The following SPAG1 variants were observed in gnomAD, a reference collection of about 807,000 sequenced individuals.
The protein encoded by SPAG1 is sperm-associated antigen 1.
A neutral mutation model predicts 100.5 loss-of-function variants in SPAG1; 69 were observed. The ratio of observed to expected loss-of-function variants is 0.69; its 90% CI spans 0.57 to 0.84. The LOEUF (loss-of-function observed/expected upper bound fraction) is 0.84. Ranked by LOEUF, SPAG1 falls within the 40% of genes least tolerant of loss-of-function variation. The pLI, the probability that SPAG1 is intolerant of heterozygous loss-of-function variation, is 0.00. For missense variants in SPAG1, 955 were observed against 1,133.1 expected, an observed-to-expected ratio of 0.84 and a Z score of 2.26; for synonymous variants, 336 against 411.6, an observed-to-expected ratio of 0.82 and a Z score of 2.22.
chr8:100,163,222 T>C (rs1378474711), intron 2 of SPAG1, among the ~76,000 whole-genome samples: 2 of 152,008 alleles, frequency 1.3e-5, no homozygotes, highest in African/African-American at 4.8e-5. Flanking sequence ...AAAATGCACA[T>C]TTGAGGGCCC....
chr8:100,176,818 C>CCTCTCCTCTT (rs1816141753), intron 3 of SPAG1, among the ~76,000 whole-genome samples: 1 of 145,818 alleles, frequency 6.9e-6, no homozygotes, highest in African/African-American at 2.6e-5. Flanking sequence ...CCTCTCCTCT[C>CCTCTCCTCTT]CTCTCCTCTC....
Position 100,240,645 on chromosome 8 carries a change from A to G in SPAG1, c.2523A>G (p.Leu841=). The stretch of plus-strand genomic sequence containing the variant: ...CACCAAAAGATTTGCCGATGTTTTT[A>G]AGTAACAAACTTGAAGGGGATACAT... ...ITAPKDLPMF[L]SNKLEGDTFL... The change falls in exon 18 of 19, where the codon TTA becomes TTG. Residue 841 remains leucine, a synonymous_variant. Coordinates refer to ENST00000388798, the MANE Select transcript of SPAG1 (RefSeq NM_003114.5). The G allele has an allele frequency of 6.2e-7, 1 of 1,614,190 alleles. No homozygotes were observed. The highest frequency in any genetic ancestry group is 1.1e-5 in the South Asian group (1 of 91,088).
chr8:100,222,384 T>G (rs549356456), intron 13 of SPAG1, among the ~76,000 whole-genome samples: 1 of 152,306 alleles, frequency 6.6e-6, no homozygotes, highest in South Asian at 2.1e-4. Flanking sequence ...AGAAATTGTG[T>G]TTTTTCATCT....
chr8:100,217,558 T>C (rs947986717), intron 12 of SPAG1, among the ~76,000 whole-genome samples: 1 of 152,098 alleles, frequency 6.6e-6, no homozygotes, highest in Non-Finnish European at 1.5e-5. Context: ...AGGTGAAACA[T>C]GAAAAGGGGT....
intron 8 of SPAG1, among the ~76,000 whole-genome samples, chr8:100,189,161 A>G (rs981596920): frequency 2.7e-5 from 4 of 147,960 alleles, no homozygotes; most frequent in Non-Finnish European, 5.9e-5. Flanking sequence ...GCAAAACTCC[A>G]TCTCTACTAA....
chr8:100,237,328 A>G (rs1440057741), intron 16 of SPAG1, among the ~76,000 whole-genome samples: 1 of 152,056 alleles, frequency 6.6e-6, no homozygotes, highest in Non-Finnish European at 1.5e-5. Flanking sequence ...TGATCCACCC[A>G]CCTTGGCCTC....
intron 9 of SPAG1, among the ~76,000 whole-genome samples, 167 bp downstream of exon 9, chr8:100,191,663 G>A (rs1816821829): frequency 6.6e-6 from 1 of 152,176 alleles, no homozygotes; most frequent in Admixed American, 6.5e-5. Flanking sequence ...ATTTCAAGTG[G>A]AAGAAAGCAG....
intron 10 of SPAG1, among the ~76,000 whole-genome samples, chr8:100,196,981 C>A (rs1817059549): frequency 1.3e-5 from 2 of 151,810 alleles, no homozygotes; most frequent in Non-Finnish European, 2.9e-5. Flanking sequence ...GATTCAAGCT[C>A]CTGGGCCAAA....
At chr8:100,203,666 G>T (rs1002837249) in intron 10 of SPAG1, among the ~76,000 whole-genome samples, 6 of 152,136 alleles carry the variant, frequency 3.9e-5, no homozygotes, top group Non-Finnish European at 8.8e-5. Context: ...GAGAACCAAG[G>T]AACATAATGA....
chr8:100,221,862 G>A (rs1011585230), intron 13 of SPAG1, among the ~76,000 whole-genome samples: 19 of 152,250 alleles, frequency 1.2e-4, no homozygotes, highest in African/African-American at 4.1e-4. Flanking sequence ...ACCTTCCCAT[G>A]TGGTCCCAGC....
chr8:100,232,067 G>C (rs1037019637), intron 15 of SPAG1, among the ~76,000 whole-genome samples: 9 of 152,152 alleles, frequency 5.9e-5, no homozygotes, highest in Admixed American at 3.3e-4. Context: ...TGGGCAGATT[G>C]TTGCTCAGGT....
rs549319618 is a variant in SPAG1, at chr8:100,221,490, A to T, written c.1688+1059A>T. ...TTCTAGTTATGTATGACATTTTCTG[A>T]TCCCATTTGCTTAAAGTGTAACTTC... is the stretch of plus-strand genomic sequence containing the variant. On this transcript the variant is annotated intron_variant, in intron 13 of 18. Transcript: ENST00000388798. 2.0e-5 allele frequency among the ~76,000 whole-genome samples: 3 copies of T among 152,300 alleles called. No individual in the cohort carries two copies. In the South Asian group the frequency reaches 6.2e-4, roughly 32 times the overall value.
intron 3 of SPAG1, 94 bp from the exon 4 acceptor site, chr8:100,177,722 C>G (rs1816189272): frequency 2.9e-6 from 2 of 690,126 alleles, no homozygotes; most frequent in Non-Finnish European, 4.4e-6. Flanking sequence ...CAATGCAGTT[C>G]AAACTTATAT....
chr8:100,194,837 G>C (rs1227074999), intron 10 of SPAG1, among the ~76,000 whole-genome samples: 1 of 152,140 alleles, frequency 6.6e-6, no homozygotes, highest in Non-Finnish European at 1.5e-5. Context: ...TGAGGGGAAG[G>C]ATTTGCCTCC....
intron 11 of SPAG1, 89 bp from the exon 12 acceptor site, chr8:100,213,730 C>G (rs768871279): frequency 4.0e-5 from 32 of 804,104 alleles, no homozygotes; most frequent in Non-Finnish European, 6.7e-5. Flanking sequence ...CAGTGCCACC[C>G]CACCGGAGAC....
chr8:100,182,738 A>G (rs1179658017), intron 4 of SPAG1, among the ~76,000 whole-genome samples: 1 of 152,222 alleles, frequency 6.6e-6, no homozygotes, highest in Non-Finnish European at 1.5e-5. Flanking sequence ...GAAAAGAATG[A>G]ATCAGAATTT....
At chr8:100,221,679 G>A (rs371962558) in intron 13 of SPAG1, among the ~76,000 whole-genome samples, 6 of 152,168 alleles carry the variant, frequency 3.9e-5, no homozygotes, top group Non-Finnish European at 5.9e-5. Flanking sequence ...CTCCAGGCTC[G>A]GGGAAGGGGA....
chr8:100,233,627 G>C, intron 16 of SPAG1, 90 bp downstream of exon 16: 1 of 1,307,220 alleles, frequency 7.6e-7, no homozygotes, highest in Non-Finnish European at 1.0e-6. Flanking sequence ...CTTGGGATGG[G>C]ATTGAGGTTA....
intron 14 of SPAG1, among the ~76,000 whole-genome samples, chr8:100,228,137 G>A (rs1447064820): frequency 6.6e-6 from 1 of 152,046 alleles, no homozygotes. Context: ...AGTAGCCTAG[G>A]CTATGTGAGA....
Sources: allele counts gnomAD v4.1 joint callset (sites outside exome capture counted in the v4.1 genomes callset), GRCh38; gene constraint gnomAD v4.1.1; transcripts MANE v1.5; gene names NCBI Gene and HGNC (gene_info 2026-07-23, HGNC 2026-07-21).